Variants in PECR observed in about 807,000 individuals in gnomAD.
The protein encoded by PECR is 2,4-dienoyl-CoA reductase-related protein.
In PECR, 30 loss-of-function variants were observed where a neutral mutation model predicts 35.3. The ratio of observed to expected loss-of-function variants is 0.85; its 90% CI spans 0.64 to 1.15. The LOEUF (loss-of-function observed/expected upper bound fraction) is 1.15. Among genes scored for constraint, PECR ranks in the 50% most tolerant of loss-of-function variants. The pLI is 0.00. For synonymous variants in PECR, 148 were observed against 138.9 expected (o/e 1.07, Z -0.46); for missense variants, 392 against 370.8 (o/e 1.06, Z -0.47).
At position 216,069,950 on chromosome 2, in the gene PECR, A is replaced by G. The variant is rs1247729975; in HGVS notation, c.125-3432T>C. Among the ~76,000 whole-genome samples the G allele has an allele frequency of 3.5e-5, 5 of 143,274 alleles. No homozygotes were observed. In the South Asian group the frequency reaches 6.4e-4, roughly 18 times the overall value. The allele number at this position is 143,274 out of a possible 152,430, so 94.0% of individuals were successfully genotyped here. On this transcript the variant is annotated intron_variant, in intron 1 of 7. Transcript: ENST00000265322. ...AGACTCTGTCAAAAAAAAAAAAAAA[A>G]AAGAAACTTTTGGAAATATTTCATG...
intron 4 of PECR, among the ~76,000 whole-genome samples, chr2:216,055,905 T>C (rs1271381613): frequency 1.3e-5 from 2 of 152,210 alleles, no homozygotes; most frequent in African/African-American, 2.4e-5. Context: ...CAAATTTCTG[T>C]GTCTTTACAC....
chr2:216,030,886 C>A (rs964756063), intron 7 of PECR, among the ~76,000 whole-genome samples: 1 of 149,630 alleles, frequency 6.7e-6, no homozygotes, highest in Non-Finnish European at 1.5e-5. Flanking sequence ...CAATTTATTT[C>A]GGCATTCCAA....
At chr2:216,073,780 C>G (rs775125109) in intron 1 of PECR, among the ~76,000 whole-genome samples, 15 of 152,066 alleles carry the variant, frequency 9.9e-5, no homozygotes, top group African/African-American at 3.1e-4. Flanking sequence ...AGGTTTGGAG[C>G]CTAGAAGCAA....
intron 7 of PECR, among the ~76,000 whole-genome samples, chr2:216,030,756 T>A (rs1405143372): frequency 6.7e-6 from 1 of 149,722 alleles, no homozygotes; most frequent in African/African-American, 2.5e-5. Flanking sequence ...AGAGAGAAGG[T>A]TTCACCATGT....
At chr2:216,077,671 G>A (rs1352879638) in intron 1 of PECR, among the ~76,000 whole-genome samples, 1 of 151,868 alleles carries the variant, frequency 6.6e-6, no homozygotes, top group African/African-American at 2.4e-5. Context: ...GCCAGGCATG[G>A]TGGCATGTGC....
intron 7 of PECR, among the ~76,000 whole-genome samples, chr2:216,031,657 A>AAG (rs761211830): frequency 1.4e-4 from 10 of 69,618 alleles, no homozygotes; most frequent in African/African-American, 5.9e-4. Context: ...AAAAGAAAGA[A>AAG]AGAAAGAAAG....
intron 1 of PECR, 139 bp from the exon 2 acceptor site, chr2:216,066,657 GA>G (rs1433365434): frequency 2.6e-6 from 2 of 768,070 alleles, no homozygotes; most frequent in Non-Finnish European, 4.5e-6. Context: ...TAATAATATT[GA>G]AAAAATATAT....
intron 3 of PECR, among the ~76,000 whole-genome samples, chr2:216,060,263 A>G (rs1297795168): frequency 6.6e-6 from 1 of 152,202 alleles, no homozygotes; most frequent in Non-Finnish European, 1.5e-5. Context: ...CTGGATAAAT[A>G]CCACCATATA....
intron 3 of PECR, among the ~76,000 whole-genome samples, chr2:216,063,031 C>T (rs1158791808): frequency 2.0e-5 from 3 of 152,116 alleles, no homozygotes; most frequent in Non-Finnish European, 2.9e-5. Context: ...TTAAACAACA[C>T]GACTGTATTT....
At chr2:216,045,946 G>C (rs1305942776) in intron 6 of PECR, among the ~76,000 whole-genome samples, 1 of 152,144 alleles carries the variant, frequency 6.6e-6, no homozygotes, top group Non-Finnish European at 1.5e-5. Context: ...GGGAGGCCGA[G>C]GCAGGTGGAT....
chr2:216,081,752 G>A lies in PECR; in HGVS notation c.-11C>T. The stretch of plus-strand genomic sequence containing the variant: ...AGCCCAGGAGGCCATCCCTGCAGCG[G>A]GGTGCCAGAGCAGCTGAGCGCAGGC... On this transcript the variant is annotated 5_prime_UTR_variant, in exon 1 of 8. Transcript: ENST00000265322. 4 of 1,612,460 alleles carry A rather than the reference G, an allele frequency of 2.5e-6. No individual in the cohort carries two copies. The highest frequency in any genetic ancestry group is 2.2e-5 in the South Asian group (2 of 91,006).
chr2:216,060,491 G>A (rs1448958087), intron 3 of PECR, among the ~76,000 whole-genome samples: 1 of 152,072 alleles, frequency 6.6e-6, no homozygotes, highest in South Asian at 2.1e-4. Context: ...GAAAAACTCT[G>A]TCTCTATGAA....
chr2:216,041,000 C>A (rs1266147023), intron 7 of PECR, among the ~76,000 whole-genome samples: 1 of 152,162 alleles, frequency 6.6e-6, no homozygotes, highest in Non-Finnish European at 1.5e-5. Flanking sequence ...TTCTCACAAT[C>A]ATACGGCTAA....
chr2:216,066,568 A>G (rs1559216574), intron 1 of PECR, 50 bp from the exon 2 acceptor site: 4 of 1,566,384 alleles, frequency 2.6e-6, no homozygotes, highest in Admixed American at 3.3e-5. Flanking sequence ...ATGGGATGCA[A>G]TGACCACATT....
chr2:216,069,389 G>A (rs969318749), intron 1 of PECR, among the ~76,000 whole-genome samples: 1 of 152,174 alleles, frequency 6.6e-6, no homozygotes, highest in African/African-American at 2.4e-5. Context: ...AAAAACACAT[G>A]ATCTAAGGGG....
chr2:216,057,337 T>C (rs566055716), intron 4 of PECR, among the ~76,000 whole-genome samples: 6 of 152,148 alleles, frequency 3.9e-5, no homozygotes, highest in East Asian at 1.9e-4. Flanking sequence ...TTATGGTTTA[T>C]AAAAGTGGCA....
intron 2 of PECR, 84 bp downstream of exon 2, chr2:216,066,301 G>A: frequency 8.9e-7 from 1 of 1,123,184 alleles, no homozygotes; most frequent in African/African-American, 1.5e-5. Flanking sequence ...GCTACAATAG[G>A]AGAACCTGAA....
intron 3 of PECR, among the ~76,000 whole-genome samples, chr2:216,061,311 C>CAAAAAAAAAAAAAAAAAAAAAAAAAA (rs56791924): frequency 2.2e-5 from 1 of 44,932 alleles, no homozygotes; most frequent in Non-Finnish European, 3.7e-5. Context: ...AACCCTGTCT[C>CAAAAAAAAAAAAAAAAAAAAAAAAAA]AAAAAAAAAA....
At chr2:216,045,896 G>A (rs1043296846) in intron 6 of PECR, among the ~76,000 whole-genome samples, 10 of 152,246 alleles carry the variant, frequency 6.6e-5, no homozygotes, top group South Asian at 2.1e-4. Flanking sequence ...ACAAAAAACC[G>A]GCCAGACGCG....
Sources: gnomAD v4.1 joint callset for allele counts (sites outside exome capture counted in the v4.1 genomes callset) on GRCh38, gnomAD v4.1.1 for gene constraint, MANE v1.5 for transcripts, NCBI Gene and HGNC (gene_info 2026-07-23, HGNC 2026-07-21) for gene names.